The following DIAPH2 variants were observed in gnomAD, a reference collection of about 807,000 sequenced individuals.
The protein encoded by DIAPH2 is diaphanous related formin 2.
In DIAPH2, 35 loss-of-function variants were observed where a neutral mutation model predicts 92.7. That is an observed-to-expected ratio of 0.38 (90% CI 0.29 to 0.50). The LOEUF (loss-of-function observed/expected upper bound fraction) is 0.50, where lower values mean the gene tolerates loss of function less well. Ranked by LOEUF, DIAPH2 falls within the 20% of genes least tolerant of loss-of-function variation. The pLI is 0.94. For missense variants in DIAPH2, 701 were observed against 819.5 expected (o/e 0.86, Z 1.77); for synonymous variants, 301 against 280.4 (o/e 1.07, Z -0.73).
chrX:97,009,464 C>T (rs1602711732), intron 17 of DIAPH2, among the ~76,000 whole-genome samples: 2 of 111,916 alleles, frequency 1.8e-5, no homozygotes, highest in East Asian at 2.8e-4. Flanking sequence ...TTCACCCTTA[C>T]TCTTCCCTCT....
At chrX:97,548,557 G>T (rs1339902911) in intron 26 of DIAPH2, among the ~76,000 whole-genome samples, 2 of 112,283 alleles carry the variant, frequency 1.8e-5, no homozygotes, top group Admixed American at 9.4e-5. Context: ...TAATTTAATT[G>T]AATGTACAAT....
At position 96,897,624 on chromosome X, in the gene DIAPH2, A is replaced by G. The variant is rs749023749; in HGVS notation, c.588-14704A>G. ...TAGTTAATATAAGGCATGATTATGT[A>G]AAACTGACTGTAAAATTGAGATCCA... On this transcript the variant is annotated intron_variant, in intron 5 of 26. Transcript: ENST00000324765. 4.5e-5 allele frequency among the ~76,000 whole-genome samples: 5 copies of G among 111,290 alleles called. No homozygotes were observed. In the East Asian group the frequency reaches 1.1e-3, roughly 25 times the overall value.
chrX:96,890,496 C>T (rs1266882985), intron 5 of DIAPH2, among the ~76,000 whole-genome samples: 1 of 111,547 alleles, frequency 9.0e-6, no homozygotes, highest in Non-Finnish European at 1.9e-5. Flanking sequence ...GTTCCTAAAA[C>T]TCTGTTGCAT....
intron 23 of DIAPH2, among the ~76,000 whole-genome samples, chrX:97,251,137 C>A (rs968633674): frequency 9.0e-6 from 1 of 111,432 alleles, no homozygotes; most frequent in East Asian, 2.8e-4. Context: ...TTGACCCATT[C>A]GAAGGTTCAT....
intron 26 of DIAPH2, among the ~76,000 whole-genome samples, chrX:97,545,532 A>AT (rs1569421529): frequency 8.4e-4 from 19 of 22,659 alleles, no homozygotes; most frequent in Admixed American, 2.3e-3. Flanking sequence ...GAAAAAAAAA[A>AT]AATATATATA....
intron 17 of DIAPH2, among the ~76,000 whole-genome samples, chrX:96,975,176 T>G (rs1480522457): frequency 8.9e-6 from 1 of 111,841 alleles, no homozygotes; most frequent in African/African-American, 3.2e-5. Flanking sequence ...TAACTGAGAT[T>G]GAAGTTGTGT....
At chrX:96,873,041 A>G (rs1313168960) in intron 4 of DIAPH2, among the ~76,000 whole-genome samples, 2 of 111,761 alleles carry the variant, frequency 1.8e-5, no homozygotes, top group South Asian at 7.6e-4. Context: ...ATTCCCACCA[A>G]CAGTTTATGA....
chrX:97,533,743 C>G (rs2071076691), intron 26 of DIAPH2, among the ~76,000 whole-genome samples: 1 of 111,882 alleles, frequency 8.9e-6, no homozygotes, highest in Non-Finnish European at 1.9e-5. Context: ...CAAACTCCCC[C>G]TCTAGCCTTA....
At chrX:96,695,463 A>G (rs1321745637) in intron 1 of DIAPH2, among the ~76,000 whole-genome samples, 1 of 112,028 alleles carries the variant, frequency 8.9e-6, no homozygotes, top group Non-Finnish European at 1.9e-5. Context: ...GTAAGTTCCC[A>G]TGAGAGCAAA....
chrX:96,762,838 TA>T lies in DIAPH2; in HGVS notation c.447+4587del, dbSNP rs771431547. Reference sequence around the variant, plus strand: ...ATATGAGAAGCCCATTATAGTACATTAAAAAAATCCTCAAATAGTAATTATC... The same window carrying T: ...ATATGAGAAGCCCATTATAGTACATTAAAAAATCCTCAAATAGTAATTATC... On this transcript the variant is annotated intron_variant, in intron 4 of 26. Coordinates refer to ENST00000324765, the MANE Select transcript of DIAPH2 (RefSeq NM_006729.5). 2.7e-5 allele frequency among the ~76,000 whole-genome samples: 3 copies of T among 111,346 alleles called. No individual in the cohort carries two copies. In the South Asian group the frequency reaches 1.1e-3, roughly 42 times the overall value.
chrX:96,929,744 T>C (rs2065607537), intron 9 of DIAPH2, among the ~76,000 whole-genome samples: 1 of 111,251 alleles, frequency 9.0e-6, no homozygotes, highest in African/African-American at 3.2e-5. Flanking sequence ...CTTTATATAA[T>C]ATGTTTTTTT....
chrX:97,586,982 A>G (rs2071483204), intron 26 of DIAPH2, among the ~76,000 whole-genome samples: 2 of 112,271 alleles, frequency 1.8e-5, no homozygotes, highest in African/African-American at 6.5e-5. Flanking sequence ...GCCTTAATAC[A>G]TTTCCATTAG....
chrX:96,971,013 A>G (rs2065924422), intron 17 of DIAPH2, among the ~76,000 whole-genome samples: 1 of 111,362 alleles, frequency 9.0e-6, no homozygotes, highest in African/African-American at 3.3e-5. Context: ...TTCCCCCTCC[A>G]TTTCTTTGCA....
chrX:97,193,012 CTTTTT>C (rs373054114), intron 22 of DIAPH2, among the ~76,000 whole-genome samples: 1 of 86,591 alleles, frequency 1.2e-5, no homozygotes, highest in Non-Finnish European at 2.2e-5. Context: ...TTTTTCTTTT[CTTTTT>C]TTTTTTTTTT....
chrX:97,291,618 C>T (rs892112479), intron 23 of DIAPH2, among the ~76,000 whole-genome samples: 3 of 108,023 alleles, frequency 2.8e-5, no homozygotes, highest in Non-Finnish European at 3.8e-5. Context: ...CTGCAACCTC[C>T]GCCTCCTGGT....
chrX:96,937,148 G>A, intron 10 of DIAPH2, 85 bp from the exon 11 acceptor site: 1 of 423,484 alleles, frequency 2.4e-6, no homozygotes, highest in Non-Finnish European at 3.8e-6. Flanking sequence ...GTTTATAAAT[G>A]AATAATTGTG....
intron 23 of DIAPH2, among the ~76,000 whole-genome samples, chrX:97,324,813 T>C (rs1379093336): frequency 9.0e-6 from 1 of 111,617 alleles, no homozygotes; most frequent in Non-Finnish European, 1.9e-5. Flanking sequence ...TCTTTTTTTT[T>C]TGAGATGGAG....
chrX:97,211,567 TG>T (rs1167143942), intron 22 of DIAPH2, among the ~76,000 whole-genome samples: 1 of 111,323 alleles, frequency 9.0e-6, no homozygotes, highest in East Asian at 2.8e-4. Context: ...TATAATTTTT[TG>T]ATGCTTCCTT....
chrX:96,962,437 A>G (rs1442572033), intron 16 of DIAPH2, among the ~76,000 whole-genome samples: 1 of 75,814 alleles, frequency 1.3e-5, no homozygotes, highest in Non-Finnish European at 2.3e-5. Context: ...ATACATATAT[A>G]TATACATATA....
Sources: allele counts gnomAD v4.1 joint callset (sites outside exome capture counted in the v4.1 genomes callset), GRCh38; gene constraint gnomAD v4.1.1; transcripts MANE v1.5; gene names NCBI Gene and HGNC (gene_info 2026-07-23, HGNC 2026-07-21).